The following EML5 variants were observed in gnomAD, a reference collection of about 807,000 sequenced individuals.
EML5 encodes EMAP like 5.
In EML5, 120 loss-of-function variants were observed where a neutral mutation model predicts 250.0. The ratio of observed to expected loss-of-function variants is 0.48; its 90% CI spans 0.41 to 0.56. EML5 has a LOEUF of 0.56. EML5 is among the 20% of genes least tolerant of loss of function. EML5 has a pLI of 0.00. For synonymous variants in EML5, 771 were observed against 806.5 expected (o/e 0.96, Z 0.75); for missense variants, 2,006 against 2,437.6 (o/e 0.82, Z 3.73).
intron 24 of EML5, among the ~76,000 whole-genome samples, chr14:88,662,336 C>CTTTTTT (rs1244105674): frequency 9.2e-5 from 3 of 32,572 alleles, no homozygotes; most frequent in African/African-American, 2.8e-4. Context: ...CACAATTTTT[C>CTTTTTT]TTGTTTTTTT....
At chr14:88,658,104 T>A (rs946080399) in intron 26 of EML5, 83 bp downstream of exon 26, 6 of 1,350,116 alleles carry the variant, frequency 4.4e-6, no homozygotes, top group Non-Finnish European at 6.3e-6. Flanking sequence ...AACATTATTA[T>A]TACTTGCTTT....
At chr14:88,645,024 C>T (rs1006402992) in intron 29 of EML5, among the ~76,000 whole-genome samples, 5 of 148,252 alleles carry the variant, frequency 3.4e-5, no homozygotes, top group Non-Finnish European at 7.5e-5. Flanking sequence ...AGCCTTTTCT[C>T]TTCTTTCTTT....
intron 37 of EML5, 128 bp downstream of exon 37, chr14:88,622,476 T>C: frequency 2.9e-6 from 2 of 693,272 alleles, no homozygotes; most frequent in Non-Finnish European, 4.3e-6. Context: ...GACAGAGTAA[T>C]GTTGGCAAGC....
At chr14:88,675,610 C>T (rs1165252764) in intron 21 of EML5, among the ~76,000 whole-genome samples, 1 of 152,222 alleles carries the variant, frequency 6.6e-6, no homozygotes, top group East Asian at 1.9e-4. Flanking sequence ...GCCCTGGAGA[C>T]ACTTTCCCCA....
chr14:88,645,523 T>G (rs1203940736), intron 29 of EML5, among the ~76,000 whole-genome samples: 1 of 152,236 alleles, frequency 6.6e-6, no homozygotes, highest in Non-Finnish European at 1.5e-5. Context: ...TACATCCTTC[T>G]TGAAAGTGAA....
intron 2 of EML5, among the ~76,000 whole-genome samples, chr14:88,752,919 T>C (rs2094117002): frequency 6.6e-6 from 1 of 152,132 alleles, no homozygotes; most frequent in Non-Finnish European, 1.5e-5. Context: ...CAGTTCGCCA[T>C]ACCACTTAGA....
intron 14 of EML5, among the ~76,000 whole-genome samples, chr14:88,702,193 T>C (rs2093226243): frequency 6.6e-6 from 1 of 151,994 alleles, no homozygotes; most frequent in Admixed American, 6.6e-5. Context: ...ATTAATATCA[T>C]GACAGAAATA....
At chr14:88,682,697 G>T (rs952424254) in intron 20 of EML5, among the ~76,000 whole-genome samples, 5 of 152,144 alleles carry the variant, frequency 3.3e-5, no homozygotes, top group African/African-American at 1.2e-4. Flanking sequence ...TCAGCCTCCT[G>T]TTGCTGAGGC....
At chr14:88,695,502 G>A in intron 15 of EML5, 48 bp from the exon 16 acceptor site, 1 of 1,500,456 alleles carries the variant, frequency 6.7e-7, no homozygotes, top group Admixed American at 1.9e-5. Context: ...ACATTCAGAA[G>A]AGAGAAAACA....
chr14:88,792,795 A>G lies in EML5; in HGVS notation c.-292T>C. 1 of 993,736 alleles carries G rather than the reference A, an allele frequency of 1.0e-6. No homozygotes were observed. Among genetic ancestry groups the G allele is most frequent in the South Asian group, 4.7e-5 (1 of 21,168 alleles). 61.6% of individuals were successfully genotyped at this position (993,736 alleles called of 1,614,324 possible). ...GGCTCGCCTAGTCTCCTCAGCCCGT[A>G]GCGCCTGGGCCGAGAGCGAGGGCCC... On this transcript the variant is annotated 5_prime_UTR_variant, in exon 1 of 44. Coordinates refer to ENST00000554922, the MANE Select transcript of EML5 (RefSeq NM_183387.3). This position sits in a 1 kb window ranked among gnomAD's most constrained non-coding sequence, Gnocchi z 6.9.
chr14:88,754,397 C>A (rs1166557119), intron 2 of EML5, 115 bp downstream of exon 2: 1 of 1,018,670 alleles, frequency 9.8e-7, no homozygotes, highest in East Asian at 2.9e-5. Context: ...CCCACCTCCA[C>A]CTTTGGACAA....
intron 12 of EML5, among the ~76,000 whole-genome samples, 198 bp from the exon 13 acceptor site, chr14:88,705,176 T>C (rs952237845): frequency 2.0e-5 from 3 of 152,178 alleles, no homozygotes; most frequent in East Asian, 3.9e-4. Context: ...CACTGACAAA[T>C]AGATACATAG....
At chr14:88,781,827 CTG>C (rs1273276874) in intron 1 of EML5, among the ~76,000 whole-genome samples, 15 of 152,250 alleles carry the variant, frequency 9.9e-5, no homozygotes, top group African/African-American at 3.4e-4. Context: ...CCCTGCAGAA[CTG>C]TGAGTCAATT....
intron 1 of EML5, among the ~76,000 whole-genome samples, chr14:88,760,402 T>C (rs949177358): frequency 3.9e-5 from 6 of 152,170 alleles, no homozygotes; most frequent in African/African-American, 1.2e-4. Flanking sequence ...TCCAGCACCA[T>C]GTATTGAAAA....
At chr14:88,717,331 G>T (rs534410389) in intron 8 of EML5, among the ~76,000 whole-genome samples, 2 of 152,328 alleles carry the variant, frequency 1.3e-5, no homozygotes, top group South Asian at 4.1e-4. Flanking sequence ...GGGGACTTTG[G>T]TGTGAACTCA....
intron 8 of EML5, among the ~76,000 whole-genome samples, chr14:88,721,906 TAAAC>T (rs2093595466): frequency 6.6e-6 from 1 of 151,968 alleles, no homozygotes; most frequent in Non-Finnish European, 1.5e-5. Context: ...ACAAGGAACT[TAAAC>T]AAATTTACAA....
chr14:88,645,816 C>T (rs1002724534), intron 29 of EML5, among the ~76,000 whole-genome samples: 2 of 152,202 alleles, frequency 1.3e-5, no homozygotes, highest in Non-Finnish European at 2.9e-5. Flanking sequence ...AATGTATCAA[C>T]TTTACCTACA....
In EML5 at chr14:88,736,427, C is replaced by G; in HGVS notation, c.986G>C (p.Trp329Ser). Residue 329 changes from tryptophan (W) to serine (S), a missense_variant, in exon 7 of 44, where the codon TGG becomes TCG. By Grantham distance (177) the Trp-to-Ser change is radical. Transcript: ENST00000554922. ...IMQGHCEGELWALAVHPTKPL... is the reference protein window; with the variant it reads ...IMQGHCEGELSALAVHPTKPL... ...TTTAGTAGGATGGACAGCAAGTGCC[C>G]AAAGTTCACCTTCACAATGCCCTTG... is the stretch of plus-strand genomic sequence containing the variant. 6.2e-7 allele frequency: 1 copy of G among 1,614,018 alleles called. No homozygotes were observed. Among genetic ancestry groups the G allele is most frequent in the East Asian group, 2.2e-5 (1 of 44,880 alleles).
At chr14:88,633,684 G>T (rs1358377197) in intron 33 of EML5, among the ~76,000 whole-genome samples, 1 of 152,178 alleles carries the variant, frequency 6.6e-6, no homozygotes, top group African/African-American at 2.4e-5. Context: ...CTCTGCCATT[G>T]TAGCACAAAA....
Sources: allele counts gnomAD v4.1 joint callset (sites outside exome capture counted in the v4.1 genomes callset), GRCh38; gene constraint gnomAD v4.1.1; non-coding constraint Gnocchi (gnomAD v3.1); transcripts MANE v1.5; gene names NCBI Gene and HGNC (gene_info 2026-07-23, HGNC 2026-07-21).